Variants in NOB1 observed in about 807,000 individuals in gnomAD.
The protein encoded by NOB1 is RNA-binding protein NOB1.
Under a neutral mutation model 44.8 loss-of-function variants are expected in NOB1, and 44 were observed. The observed-to-expected ratio is 0.98, with a 90% CI of 0.77 to 1.26. NOB1 has a LOEUF of 1.26. Among genes scored for constraint, NOB1 ranks in the 50% most tolerant of loss-of-function variants. The pLI is 0.00. For synonymous variants in NOB1, 238 were observed against 218.7 expected (o/e 1.09, Z -0.78); for missense variants, 560 against 544.8 (o/e 1.03, Z -0.28).
chr16:69,744,915 G>A lies in NOB1; in HGVS notation c.927C>T (p.His309=), dbSNP rs777570597. The change falls in exon 8 of 9, where the codon CAC becomes CAT. Residue 309 remains histidine, a synonymous_variant. Transcript: ENST00000268802. Reference sequence around the variant, plus strand: ...TCAGCACCTTGGGGTTGCGGGAGAAGTGCATGTGCAGGGTGCCGTCGTCGC... The same window carrying A: ...TCAGCACCTTGGGGTTGCGGGAGAAATGCATGTGCAGGGTGCCGTCGTCGC... ...TVSDDGTLHM[H]FSRNPKVLNP... 6 of 1,614,122 alleles carry A rather than the reference G, an allele frequency of 3.7e-6. No homozygotes were observed. In the South Asian group the frequency reaches 6.6e-5, roughly 18 times the overall value.
intron 6 of NOB1, among the ~76,000 whole-genome samples, chr16:69,748,535 A>G (rs966040959): frequency 6.6e-6 from 1 of 152,108 alleles, no homozygotes; most frequent in African/African-American, 2.4e-5. Flanking sequence ...TGTGTTCGTC[A>G]TTTTCCATGA....
intron 7 of NOB1, among the ~76,000 whole-genome samples, chr16:69,747,965 C>T (rs1439850697): frequency 6.6e-6 from 1 of 152,128 alleles, no homozygotes; most frequent in Non-Finnish European, 1.5e-5. Context: ...CGAGACCAGC[C>T]TGACCAACAT....
intron 6 of NOB1, chr16:69,748,631 T>C (rs2038453898): frequency 3.8e-6 from 2 of 531,274 alleles, no homozygotes; most frequent in Non-Finnish European, 6.6e-6. Flanking sequence ...CCTCTCTCCC[T>C]GTGTTAAGAA....
At chr16:69,743,028 T>A (rs1276400345) in intron 8 of NOB1, among the ~76,000 whole-genome samples, 1 of 152,106 alleles carries the variant, frequency 6.6e-6, no homozygotes, top group Non-Finnish European at 1.5e-5. Flanking sequence ...AATGGCGGAT[T>A]CTGGGGCACA....
At chr16:69,748,814 G>A in intron 6 of NOB1, 104 bp downstream of exon 6, 3 of 1,097,898 alleles carry the variant, frequency 2.7e-6, no homozygotes, top group Non-Finnish European at 3.8e-6. Flanking sequence ...CCAGAACCAG[G>A]AAAAGAAGCG....
At position 69,742,025 on chromosome 16, in the gene NOB1, C is replaced by T. The variant is rs981670852; in HGVS notation, c.*307G>A. ...AATTAAATGCACAGGAGGTTGCAGC[C>T]GCATTTATTAGAAAAATATTATCCT... is the stretch of plus-strand genomic sequence containing the variant. On this transcript the variant is annotated 3_prime_UTR_variant, in exon 9 of 9. Coordinates refer to ENST00000268802, the MANE Select transcript of NOB1 (RefSeq NM_014062.3). 5 of 304,354 alleles carry T rather than the reference C, an allele frequency of 1.6e-5. No individual in the cohort carries two copies. The highest frequency in any genetic ancestry group is 5.1e-5 in the South Asian group (1 of 19,596). The allele number at this position is 304,354 out of a possible 1,614,324, so 18.9% of individuals were successfully genotyped here. A position where few individuals can be genotyped will look rare whatever the true frequency, so the allele number is the denominator to read the frequency against.
chr16:69,752,246 G>A lies in NOB1; in HGVS notation c.322C>T (p.Gln108Ter), dbSNP rs768642056. ...AACCCATCCTCTTGATTTACCTTCT[G>A]TGGTTCTTGTTTTAGGTGAGACACC... The part of the protein sequence containing the change: ...VGVSHLKQEP[Q>*]KVKVSSSIQH... Residue 108 changes from glutamine (Q) to a stop codon, truncating the protein, a stop_gained, in exon 3 of 9, where the codon CAG (glutamine) becomes TAG (stop). Coordinates refer to ENST00000268802, the MANE Select transcript of NOB1 (RefSeq NM_014062.3). LOFTEE classifies it high-confidence loss of function. The A allele has an allele frequency of 6.2e-6, 10 of 1,611,632 alleles. No individual in the cohort carries two copies. The South Asian group carries it at 8.8e-5, about 14-fold the overall frequency.
intron 3 of NOB1, 59 bp from the exon 4 acceptor site, chr16:69,749,689 T>C (rs1278217601): frequency 7.1e-7 from 1 of 1,416,186 alleles, no homozygotes; most frequent in Non-Finnish European, 9.7e-7. Flanking sequence ...ATCCAGTTTT[T>C]TTTTTTGGCC....
chr16:69,751,859 C>T (rs1597618141), intron 3 of NOB1, among the ~76,000 whole-genome samples: 1 of 152,020 alleles, frequency 6.6e-6, no homozygotes, highest in South Asian at 2.1e-4. Flanking sequence ...GTCAGGAGTT[C>T]GAGACCAGCC....
intron 2 of NOB1, 61 bp downstream of exon 2, chr16:69,754,533 C>G: frequency 6.3e-7 from 1 of 1,598,136 alleles, no homozygotes; most frequent in Non-Finnish European, 8.5e-7. Flanking sequence ...TCGCACCCAA[C>G]TGGGTGCCAT....
chr16:69,752,477 G>A, intron 2 of NOB1, 106 bp from the exon 3 acceptor site: 1 of 1,144,870 alleles, frequency 8.7e-7, no homozygotes, highest in Non-Finnish European at 1.3e-6. Flanking sequence ...AATAATGGAA[G>A]TATCAAAACA....
rs771686038 is a variant in NOB1, at chr16:69,745,772, C to T, written c.825-755G>A. Among the ~76,000 whole-genome samples, 5 of 152,286 alleles carry T rather than the reference C, an allele frequency of 3.3e-5. No homozygotes were observed. The South Asian group carries it at 8.3e-4, about 25-fold the overall frequency. On this transcript the variant is annotated intron_variant, in intron 7 of 8. Coordinates refer to ENST00000268802, the MANE Select transcript of NOB1 (RefSeq NM_014062.3). The stretch of plus-strand genomic sequence containing the variant: ...CCCAATGGTCAAGACAAAAGAGCTG[C>T]GTGGAATGGCTGGAGAAGCCAAATG...
chr16:69,753,721 T>C (rs1390628737), intron 2 of NOB1, among the ~76,000 whole-genome samples: 1 of 152,206 alleles, frequency 6.6e-6, no homozygotes, highest in Non-Finnish European at 1.5e-5. Context: ...TTCCAACCAC[T>C]GAGGGGCCTT....
At chr16:69,747,940 T>C (rs1327159129) in intron 7 of NOB1, among the ~76,000 whole-genome samples, 1 of 152,136 alleles carries the variant, frequency 6.6e-6, no homozygotes, top group Admixed American at 6.5e-5. Flanking sequence ...GATGGATCAC[T>C]TGGAGTCAGG....
In NOB1 at chr16:69,754,686, G is replaced by GT. The variant is rs761386510; in HGVS notation, c.103dup (p.Thr35AsnfsTer2). 6.2e-7 allele frequency: 1 copy of GT among 1,614,220 alleles called. No homozygotes were observed. Among genetic ancestry groups the GT allele is most frequent in the Non-Finnish European group, 8.5e-7 (1 of 1,180,042 alleles). On this transcript the variant is annotated frameshift_variant, in exon 2 of 9. Coordinates refer to ENST00000268802, the MANE Select transcript of NOB1 (RefSeq NM_014062.3). LOFTEE classifies it high-confidence loss of function. ...GCGTGTGGCCTTGTCCCGAATCTCA[G>GT]TGACCACCTCCCGGATGGTGTAAAT...
At chr16:69,745,234 G>A (rs1039709985) in intron 7 of NOB1, among the ~76,000 whole-genome samples, 3 of 152,222 alleles carry the variant, frequency 2.0e-5, no homozygotes, top group South Asian at 2.1e-4. Flanking sequence ...GTAAGGAAGT[G>A]TGCAAGCGAG....
chr16:69,748,795 A>T, intron 6 of NOB1, 123 bp downstream of exon 6: 1 of 854,932 alleles, frequency 1.2e-6, no homozygotes, highest in African/African-American at 1.7e-5. Context: ...CAAATGGCAC[A>T]GGTGGTTTCC....
At chr16:69,751,632 A>C (rs1207995487) in intron 3 of NOB1, among the ~76,000 whole-genome samples, 1 of 152,248 alleles carries the variant, frequency 6.6e-6, no homozygotes, top group Non-Finnish European at 1.5e-5. Context: ...TGTTGACTGG[A>C]TATTTGATAA....
chr16:69,750,774 TA>T (rs1311136302), intron 3 of NOB1, among the ~76,000 whole-genome samples: 2 of 152,130 alleles, frequency 1.3e-5, no homozygotes, highest in Non-Finnish European at 2.9e-5. Context: ...CCATCTTTCT[TA>T]AAAAAATTTG....
Sources: allele counts gnomAD v4.1 joint callset (sites outside exome capture counted in the v4.1 genomes callset), GRCh38; gene constraint gnomAD v4.1.1; transcripts MANE v1.5; gene names NCBI Gene and HGNC (gene_info 2026-07-23, HGNC 2026-07-21).